The following TRIO variants were observed in gnomAD, a reference collection of about 807,000 sequenced individuals.
TRIO encodes the protein trio Rho guanine nucleotide exchange factor, also known as triple functional domain protein.
In TRIO, 58 loss-of-function variants were observed where a neutral mutation model predicts 351.9. The observed-to-expected ratio is 0.16, with a 90% CI of 0.13 to 0.21. TRIO has a LOEUF of 0.21. Ranked by LOEUF, TRIO falls within the 10% of genes least tolerant of loss-of-function variation. The pLI, the probability that TRIO is intolerant of heterozygous loss-of-function variation, is 1.00. For missense variants in TRIO, 3,201 were observed against 4,027.8 expected (o/e 0.79, Z 5.56); for synonymous variants, 1,758 against 1,595.7 (o/e 1.10, Z -2.42).
chr5:14,429,291 G>A (rs1750903025), intron 34 of TRIO, among the ~76,000 whole-genome samples: 1 of 152,328 alleles, frequency 6.6e-6, no homozygotes, highest in Non-Finnish European at 1.5e-5. Context: ...GATGAGAAGT[G>A]TGTGCCAGAC....
In TRIO at chr5:14,216,973, TCTC is replaced by T. The variant is rs769329372; in HGVS notation, c.158-53849_158-53847del. Among the ~76,000 whole-genome samples the T allele has an allele frequency of 4.6e-5, 7 of 152,164 alleles. No individual in the cohort carries two copies. The South Asian group carries it at 8.3e-4, about 18-fold the overall frequency. ...TAACTGCTATGCCACCTCTTAGAAA[TCTC>T]CTACAGGGCAAGGAGGCGTGCTGGG... is the stretch of plus-strand genomic sequence containing the variant. On this transcript the variant is annotated intron_variant, in intron 1 of 56. Coordinates refer to ENST00000344204, the MANE Select transcript of TRIO (RefSeq NM_007118.4).
intron 8 of TRIO, among the ~76,000 whole-genome samples, chr5:14,311,166 A>C (rs1295218842): frequency 1.3e-5 from 2 of 152,240 alleles, no homozygotes; most frequent in African/African-American, 4.8e-5. Flanking sequence ...AAGAGCAGCA[A>C]AAGTAGAGCC....
At chr5:14,207,540 A>AGC in intron 1 of TRIO, among the ~76,000 whole-genome samples, 4 of 149,808 alleles carry the variant, frequency 2.7e-5, no homozygotes, top group Non-Finnish European at 5.9e-5. Flanking sequence ...ACACACACAC[A>AGC]CACACACACA....
Position 14,290,963 on chromosome 5 carries a change from T to C in TRIO, c.788T>C (p.Leu263Pro). ...AATATGATCGAGGAACATTCTCAGCTGAAGAAGAAGGTGATTAAGGCCCCC... is the reference window on the plus strand; with the variant it reads ...AATATGATCGAGGAACATTCTCAGCCGAAGAAGAAGGTGATTAAGGCCCCC... ...ARNMIEEHSQ[L>P]KKKVIKAPIE... Residue 263 changes from leucine (L) to proline (P), a missense_variant, in exon 5 of 57, where the codon CTG becomes CCG. By Grantham distance (98) the Leu-to-Pro change is moderately conservative (BLOSUM62 -3). This residue lies in a region of TRIO where 349 missense variants were observed against 449.3 expected (regional missense o/e 0.78). Coordinates refer to ENST00000344204, the MANE Select transcript of TRIO (RefSeq NM_007118.4). The C allele has an allele frequency of 6.2e-7, 1 of 1,614,170 alleles. No individual in the cohort carries two copies. Among genetic ancestry groups the C allele is most frequent in the Non-Finnish European group, 8.5e-7 (1 of 1,180,034 alleles).
In TRIO at chr5:14,453,965, A is replaced by G. The variant is rs562604193; in HGVS notation, c.5204-7054A>G. Among the ~76,000 whole-genome samples the G allele has an allele frequency of 2.0e-5, 3 of 151,486 alleles. No homozygotes were observed. In the East Asian group the frequency reaches 5.8e-4, roughly 29 times the overall value. The stretch of plus-strand genomic sequence containing the variant: ...CTTTTTTTTTTTGAGACAGGGTCTC[A>G]CTCACCCAGACTGGAGTGCGGTGGC... On this transcript the variant is annotated intron_variant, in intron 34 of 56. Coordinates refer to ENST00000344204, the MANE Select transcript of TRIO (RefSeq NM_007118.4).
rs3827601 is a variant in TRIO, at chr5:14,486,860, G to A, written c.6836-604G>A. Among the ~76,000 whole-genome samples the A allele has an allele frequency of 5.7e-3, 871 of 152,212 alleles. 54 individuals are homozygous for A. The East Asian group carries it at 0.13, about 22-fold the overall frequency. ...CACACATGCCTGGGGCTGGGGCTGG[G>A]GGGCTGCATCTGCTTGTCGTATTTT... On this transcript the variant is annotated intron_variant, in intron 47 of 56. Coordinates refer to ENST00000344204, the MANE Select transcript of TRIO (RefSeq NM_007118.4).
intron 1 of TRIO, among the ~76,000 whole-genome samples, chr5:14,243,662 TC>T (rs1376702108): frequency 6.6e-6 from 1 of 152,228 alleles, no homozygotes; most frequent in Non-Finnish European, 1.5e-5. Flanking sequence ...GCATTTGTTT[TC>T]CTCATACATT....
At chr5:14,163,151 G>A (rs1788572418) in intron 1 of TRIO, among the ~76,000 whole-genome samples, 1 of 152,078 alleles carries the variant, frequency 6.6e-6, no homozygotes, top group African/African-American at 2.4e-5. Context: ...TAGTCCTTAT[G>A]CCCTCCCTCC....
In TRIO at chr5:14,461,065, G is replaced by A; in HGVS notation, c.5250G>A (p.Val1750=). ...SSNDASPPAS[V]ASLQPHMIGA... is the part of the protein sequence containing the mutation. The stretch of plus-strand genomic sequence containing the variant: ...ATGACGCCAGTCCACCCGCATCCGT[G>A]GCTTCCCTCCAGCCCCACATGATCG... The change falls in exon 35 of 57, where the codon GTG becomes GTA. Residue 1750 remains valine, a synonymous_variant. Transcript: ENST00000344204. 1 of 1,580,026 alleles carries A rather than the reference G, an allele frequency of 6.3e-7. No homozygotes were observed. The highest frequency in any genetic ancestry group is 1.4e-5 in the African/African-American group (1 of 73,872).
At chr5:14,179,032 T>TC (rs1266220346) in intron 1 of TRIO, among the ~76,000 whole-genome samples, 3 of 152,064 alleles carry the variant, frequency 2.0e-5, no homozygotes, top group Non-Finnish European at 4.4e-5. Context: ...GTCTTTGTAC[T>TC]CCCCCCACCC....
chr5:14,227,759 T>G (rs1793141248), intron 1 of TRIO, among the ~76,000 whole-genome samples: 1 of 152,220 alleles, frequency 6.6e-6, no homozygotes, highest in African/African-American at 2.4e-5. Context: ...CTCTTAACTC[T>G]TAGGTTGTTT....
intron 33 of TRIO, among the ~76,000 whole-genome samples, chr5:14,408,255 C>T (rs1360201433): frequency 6.6e-6 from 1 of 152,132 alleles, no homozygotes; most frequent in Non-Finnish European, 1.5e-5. Flanking sequence ...GTTTCAAGGA[C>T]GGGAGTCAGT....
rs926500007 is a variant in TRIO, at chr5:14,476,818, G to GA, written c.6084-70dup. The GA allele has an allele frequency of 7.2e-6, 9 of 1,246,282 alleles. No individual in the cohort carries two copies. In the African/African-American group the frequency reaches 1.3e-4, roughly 18 times the overall value. The allele number at this position is 1,246,282 out of a possible 1,614,324, so 77.2% of individuals were successfully genotyped here. A position where few individuals can be genotyped will look rare whatever the true frequency, so the allele number is the denominator to read the frequency against. Reference sequence around the variant, plus strand: ...AAAAAAAAAAAGAAAAAAAGAAAAAGAAAAAATGTAAACCTAAATCTAAAA... The same window carrying GA: ...AAAAAAAAAAAGAAAAAAAGAAAAAGAAAAAAATGTAAACCTAAATCTAAAA... On this transcript the variant is annotated intron_variant, in intron 40 of 56. Transcript: ENST00000344204.
At chr5:14,287,249 A>G (rs1736528200) in intron 4 of TRIO, 186 bp downstream of exon 4, 1 of 648,490 alleles carries the variant, frequency 1.5e-6, no homozygotes, top group Non-Finnish European at 2.6e-6. Context: ...ATCCGAGTGG[A>G]TTGTTTTACC....
At chr5:14,199,156 G>T (rs181880782) in intron 1 of TRIO, among the ~76,000 whole-genome samples, 1 of 111,870 alleles carries the variant, frequency 8.9e-6, no homozygotes, top group East Asian at 3.2e-4. Context: ...AGAATTGTTT[G>T]AACCTGCTGC....
chr5:14,423,670 A>T (rs905385058), intron 34 of TRIO, among the ~76,000 whole-genome samples: 1 of 152,192 alleles, frequency 6.6e-6, no homozygotes, highest in Admixed American at 6.5e-5. Context: ...TAGTGTTGTC[A>T]CAAACCTGGG....
rs1174434796 is a variant in TRIO at position 14,304,526 on chromosome 5, G to T, written c.1434G>T (p.Gln478His). 6.2e-7 allele frequency: 1 copy of T among 1,614,148 alleles called. No individual in the cohort carries two copies. The change falls in exon 8 of 57, where the codon CAG (glutamine) becomes CAT (histidine). Residue 478 changes from glutamine to histidine, a missense_variant. Physicochemically the swap from Gln to His is conservative, Grantham distance 24 (BLOSUM62 0). This residue lies in a region of TRIO where 349 missense variants were observed against 449.3 expected (regional missense o/e 0.78). Coordinates refer to ENST00000344204, the MANE Select transcript of TRIO (RefSeq NM_007118.4). ...AGGTAGACCTTCCCTCAGAGCTGCA[G>T]GACCTAGAAGATGCCATTCATCACC... is the stretch of plus-strand genomic sequence containing the variant. ...CGEVDLPSEL[Q>H]DLEDAIHHHQ...
intron 1 of TRIO, among the ~76,000 whole-genome samples, chr5:14,202,597 T>C (rs1212200400): frequency 2.0e-5 from 3 of 151,526 alleles, no homozygotes; most frequent in Non-Finnish European, 4.4e-5. Flanking sequence ...TGGAAGATAA[T>C]TGAATCTTCA....
At chr5:14,327,958 C>T (rs1216302212) in intron 9 of TRIO, among the ~76,000 whole-genome samples, 2 of 152,132 alleles carry the variant, frequency 1.3e-5, no homozygotes, top group Non-Finnish European at 2.9e-5. Flanking sequence ...TTGTCTGCCT[C>T]GAAATCAGGT....
Sources: allele counts gnomAD v4.1 joint callset (sites outside exome capture counted in the v4.1 genomes callset), GRCh38; gene constraint gnomAD v4.1.1; regional missense constraint gnomAD v4.1.1; transcripts MANE v1.5; gene names NCBI Gene and HGNC (gene_info 2026-07-23, HGNC 2026-07-21).